Variants in MTUS2 observed in about 807,000 individuals in gnomAD.
MTUS2 encodes microtubule associated scaffold protein 2, also known as microtubule-associated tumor suppressor candidate 2.
A neutral mutation model predicts 114.1 loss-of-function variants in MTUS2; 40 were observed. That is an observed-to-expected ratio of 0.35 (90% CI 0.27 to 0.46). MTUS2 has a LOEUF of 0.46. Ranked by LOEUF, MTUS2 falls within the 20% of genes least tolerant of loss-of-function variation. MTUS2 has a pLI of 1.00. For synonymous variants in MTUS2, 688 were observed against 672.0 expected (o/e 1.02, Z -0.37); for missense variants, 1,679 against 1,705.4 (o/e 0.98, Z 0.27).
chr13:28,999,860 A>C (rs143064242), intron 2 of MTUS2, among the ~76,000 whole-genome samples: 6 of 152,344 alleles, frequency 3.9e-5, no homozygotes, highest in Non-Finnish European at 8.8e-5. Flanking sequence ...TATATGAGTG[A>C]CATAATGTGG....
At chr13:29,314,772 TTGTTTTAA>T (rs1304444619) in intron 6 of MTUS2, among the ~76,000 whole-genome samples, 2 of 152,160 alleles carry the variant, frequency 1.3e-5, no homozygotes, top group African/African-American at 4.8e-5. Context: ...GTACAGAACT[TTGTTTTAA>T]AAAATAGTTT....
chr13:29,302,720 C>T (rs1192580913), intron 6 of MTUS2, among the ~76,000 whole-genome samples: 8 of 152,224 alleles, frequency 5.3e-5, no homozygotes, highest in African/African-American at 1.9e-4. Context: ...TCAGCTATGC[C>T]AGCCTGCTGA....
Position 29,293,637 on chromosome 13 carries a change from T to C in MTUS2, c.2806+11772T>C, listed in dbSNP as rs189971038. ...AATAATGATATATGTGCAGGAACTT[T>C]CTATGCAGCATTGGTTACAATGCTA... On this transcript the variant is annotated intron_variant, in intron 6 of 15. Coordinates refer to ENST00000612955, the MANE Select transcript of MTUS2 (RefSeq NM_001033602.4). Among the ~76,000 whole-genome samples the C allele has an allele frequency of 2.1e-3, 316 of 152,224 alleles. 1 individual carries two copies. The highest frequency in any genetic ancestry group is 7.0e-3 in the African/African-American group (290 of 41,572).
chr13:29,375,759 A>G (rs1871674533), intron 8 of MTUS2, among the ~76,000 whole-genome samples: 3 of 150,596 alleles, frequency 2.0e-5, no homozygotes, highest in Non-Finnish European at 2.9e-5. Context: ...CAAATACCGT[A>G]TGTTCTCACT....
chr13:29,279,056 A>G (rs973664224), intron 5 of MTUS2, among the ~76,000 whole-genome samples: 8 of 152,226 alleles, frequency 5.3e-5, no homozygotes, highest in African/African-American at 1.9e-4. Flanking sequence ...TATATCAGAT[A>G]CTAAGTATTT....
chr13:29,006,977 T>G (rs1339006732), intron 2 of MTUS2, among the ~76,000 whole-genome samples: 2 of 152,230 alleles, frequency 1.3e-5, no homozygotes, highest in Non-Finnish European at 2.9e-5. Flanking sequence ...AAGAAATATG[T>G]GTCTTTCCTC....
chr13:28,981,169 G>A (rs1426364661), intron 2 of MTUS2, among the ~76,000 whole-genome samples: 2 of 152,040 alleles, frequency 1.3e-5, no homozygotes, highest in Non-Finnish European at 2.9e-5. Context: ...TGATTAAAAT[G>A]GTAAATTTCA....
chr13:28,836,532 T>G (rs1875099746), intron 1 of MTUS2, among the ~76,000 whole-genome samples: 1 of 152,198 alleles, frequency 6.6e-6, no homozygotes, highest in Non-Finnish European at 1.5e-5. Context: ...GAGAGAAGTA[T>G]CATGTTTTAT....
At chr13:29,156,590 A>G (rs532194159) in intron 5 of MTUS2, among the ~76,000 whole-genome samples, 1 of 152,230 alleles carries the variant, frequency 6.6e-6, no homozygotes, top group East Asian at 1.9e-4. Flanking sequence ...TCAGCAAGTC[A>G]CTAGACTCTC....
At chr13:28,832,505 G>A (rs112425603) in intron 1 of MTUS2, among the ~76,000 whole-genome samples, 3 of 56,944 alleles carry the variant, frequency 5.3e-5, no homozygotes, top group Non-Finnish European at 1.4e-4. Flanking sequence ...TCAATACTTA[G>A]AGGGATTTTT....
At chr13:29,479,992 G>A in intron 9 of MTUS2, 158 bp from the exon 10 acceptor site, 2 of 664,792 alleles carry the variant, frequency 3.0e-6, no homozygotes, top group South Asian at 2.2e-5. Flanking sequence ...TCTAATGGGT[G>A]GAAAGGAAAG....
chr13:28,990,887 C>T (rs1884816624), intron 2 of MTUS2, among the ~76,000 whole-genome samples: 2 of 152,006 alleles, frequency 1.3e-5, no homozygotes, highest in South Asian at 4.1e-4. Flanking sequence ...TTCCAGAAGT[C>T]AGCGAGACCA....
intron 2 of MTUS2, among the ~76,000 whole-genome samples, chr13:28,916,114 T>C: frequency 6.6e-6 from 1 of 151,884 alleles, no homozygotes; most frequent in East Asian, 1.9e-4. Context: ...CTGTAGGTGT[T>C]TGGGTTGTTT....
intron 4 of MTUS2, among the ~76,000 whole-genome samples, chr13:29,085,257 T>A (rs1266129170): frequency 6.6e-6 from 1 of 152,216 alleles, no homozygotes; most frequent in Non-Finnish European, 1.5e-5. Context: ...TTCTTTTTCT[T>A]TTATTTAGTA....
At chr13:29,388,153 A>G (rs917288564) in intron 8 of MTUS2, among the ~76,000 whole-genome samples, 9 of 152,094 alleles carry the variant, frequency 5.9e-5, no homozygotes, top group African/African-American at 1.9e-4. Context: ...GATGACCAGG[A>G]TGGGGAGGTT....
chr13:29,218,929 A>G (rs1895789936), intron 5 of MTUS2, among the ~76,000 whole-genome samples: 1 of 151,118 alleles, frequency 6.6e-6, no homozygotes, highest in South Asian at 2.1e-4. Flanking sequence ...GCGTTAACTT[A>G]AAGTTTCCAA....
At chr13:28,998,142 A>C (rs1426220739) in intron 2 of MTUS2, among the ~76,000 whole-genome samples, 1 of 151,712 alleles carries the variant, frequency 6.6e-6, no homozygotes, top group Non-Finnish European at 1.5e-5. Flanking sequence ...TTTCTCCTTC[A>C]CTTATGAAGC....
At chr13:29,402,662 C>T (rs765052969) in intron 8 of MTUS2, among the ~76,000 whole-genome samples, 64 of 152,124 alleles carry the variant, frequency 4.2e-4, no homozygotes, top group Non-Finnish European at 8.7e-4. Flanking sequence ...ATTTTGTCTC[C>T]TTATAATATT....
intron 8 of MTUS2, among the ~76,000 whole-genome samples, chr13:29,400,118 G>A (rs1305558203): frequency 2.0e-5 from 3 of 152,180 alleles, no homozygotes; most frequent in Non-Finnish European, 2.9e-5. Flanking sequence ...AGGACTTTCA[G>A]TGAAACCAGC....
Sources: gnomAD v4.1 joint callset for allele counts (sites outside exome capture counted in the v4.1 genomes callset) on GRCh38, gnomAD v4.1.1 for gene constraint, MANE v1.5 for transcripts, NCBI Gene and HGNC (gene_info 2026-07-23, HGNC 2026-07-21) for gene names.